Variants in ADGRV1 observed in about 807,000 individuals in gnomAD.
The protein encoded by ADGRV1 is G-protein coupled receptor 98.
ADGRV1 carries 359 observed loss-of-function variants against 596.2 expected under a neutral mutation model. The ratio of observed to expected loss-of-function variants is 0.60; its 90% CI spans 0.55 to 0.66. The LOEUF is 0.66. ADGRV1 is among the 30% of genes least tolerant of loss of function. ADGRV1 has a pLI of 0.00. For missense variants in ADGRV1, 7,274 were observed against 7,575.6 expected, an observed-to-expected ratio of 0.96 and a Z score of 1.48; for synonymous variants, 2,681 against 2,679.2, an observed-to-expected ratio of 1.00 and a Z score of -0.02.
intron 58 of ADGRV1, among the ~76,000 whole-genome samples, chr5:90,762,145 T>A (rs1315269638): frequency 6.6e-6 from 1 of 152,158 alleles, no homozygotes; most frequent in Non-Finnish European, 1.5e-5. Context: ...AAACCTAAAC[T>A]AAAATGTTAC....
intron 73 of ADGRV1, among the ~76,000 whole-genome samples, chr5:90,809,232 A>C (rs981576793): frequency 2.0e-5 from 3 of 149,480 alleles, no homozygotes; most frequent in Non-Finnish European, 4.4e-5. Context: ...CTGGGATTAC[A>C]GGCGTGAGCC....
intron 42 of ADGRV1, among the ~76,000 whole-genome samples, chr5:90,714,309 A>T: frequency 6.6e-6 from 1 of 150,402 alleles, no homozygotes. Flanking sequence ...TGTTTTTCGT[A>T]TCCCTTATGT....
chr5:90,661,148 A>C (rs1770228288), intron 21 of ADGRV1, among the ~76,000 whole-genome samples: 1 of 152,072 alleles, frequency 6.6e-6, no homozygotes, highest in Non-Finnish European at 1.5e-5. Context: ...TGTTCTGTGT[A>C]TTTCCTATGT....
chr5:90,814,764 A>G (rs1018536577), intron 74 of ADGRV1, among the ~76,000 whole-genome samples: 8 of 152,206 alleles, frequency 5.3e-5, no homozygotes, highest in East Asian at 3.9e-4. Flanking sequence ...CTCAGGTAGC[A>G]TCTTTATAGC....
At chr5:90,819,713 T>C (rs1460506714) in intron 75 of ADGRV1, among the ~76,000 whole-genome samples, 1 of 151,918 alleles carries the variant, frequency 6.6e-6, no homozygotes, top group Non-Finnish European at 1.5e-5. Context: ...AGTTTCCATG[T>C]AGTTGAGCGG....
In ADGRV1 at chr5:90,627,279, C is replaced by T. The variant is rs561366896; in HGVS notation, c.741C>T (p.Thr247=). 5 of 1,607,528 alleles carry T rather than the reference C, an allele frequency of 3.1e-6. No individual in the cohort carries two copies. In the South Asian group the frequency reaches 5.5e-5, roughly 18 times the overall value. The part of the protein sequence containing the change: ...KSVEGGAEIN[T]SRNSIEIIIK... ...TAGAAGGAGGAGCTGAGATTAACAC[C>T]TCTAGGAATTCCATTGAGATCATCA... Residue 247 remains threonine (T), a synonymous_variant, in exon 7 of 90, where the codon ACC becomes ACT. Coordinates refer to ENST00000405460, the MANE Select transcript of ADGRV1 (RefSeq NM_032119.4).
At chr5:90,813,379 G>T (rs1762629257) in intron 74 of ADGRV1, among the ~76,000 whole-genome samples, 1 of 152,046 alleles carries the variant, frequency 6.6e-6, no homozygotes, top group Non-Finnish European at 1.5e-5. Flanking sequence ...GTCCTGGTTA[G>T]GGAAGTGGCA....
At chr5:90,609,800 A>G (rs1504997) in intron 1 of ADGRV1, among the ~76,000 whole-genome samples, 3,231 of 152,110 alleles carry the variant, frequency 0.021, 102 homozygotes, top group African/African-American at 0.067. Context: ...TAATAAGGTC[A>G]ATGCGTTCAT....
intron 57 of ADGRV1, among the ~76,000 whole-genome samples, chr5:90,759,160 CATAA>C (rs1427766681): frequency 6.6e-6 from 1 of 151,734 alleles, no homozygotes; most frequent in Non-Finnish European, 1.5e-5. Flanking sequence ...TTTGAAATAC[CATAA>C]ATATACACAA....
At chr5:90,901,575 A>G in intron 83 of ADGRV1, among the ~76,000 whole-genome samples, 1 of 152,184 alleles carries the variant, frequency 6.6e-6, no homozygotes, top group East Asian at 1.9e-4. Context: ...TGTGCATGTT[A>G]GCAATTCTAT....
intron 83 of ADGRV1, among the ~76,000 whole-genome samples, chr5:90,870,417 C>T (rs370812350): frequency 6.6e-6 from 1 of 152,024 alleles, no homozygotes; most frequent in Non-Finnish European, 1.5e-5. Context: ...CCAAAACTCA[C>T]GTATTTAGAG....
chr5:90,795,466 G>T (rs1760592074), intron 70 of ADGRV1, among the ~76,000 whole-genome samples: 1 of 152,158 alleles, frequency 6.6e-6, no homozygotes, highest in Admixed American at 6.5e-5. Flanking sequence ...CTCTGGGCAG[G>T]GCATCTCTGA....
intron 89 of ADGRV1, among the ~76,000 whole-genome samples, chr5:91,161,913 TGC>T (rs1256266800): frequency 3.9e-5 from 6 of 152,224 alleles, no homozygotes; most frequent in Non-Finnish European, 7.3e-5. Flanking sequence ...ATTAACATGG[TGC>T]ATTCAGGGCA....
intron 87 of ADGRV1, among the ~76,000 whole-genome samples, chr5:91,131,832 G>A (rs749564649): frequency 2.6e-5 from 4 of 152,000 alleles, no homozygotes; most frequent in Non-Finnish European, 4.4e-5. Flanking sequence ...TTTTTGTTAC[G>A]TTTGCTTTTG....
chr5:90,934,107 G>A (rs1775482150), intron 83 of ADGRV1, among the ~76,000 whole-genome samples: 1 of 152,116 alleles, frequency 6.6e-6, no homozygotes, highest in Admixed American at 6.5e-5. Context: ...TGTTCTTCTT[G>A]CTGGAAGTTG....
At chr5:90,732,178 GT>G in intron 50 of ADGRV1, among the ~76,000 whole-genome samples, 1 of 151,968 alleles carries the variant, frequency 6.6e-6, no homozygotes, top group South Asian at 2.1e-4. Context: ...TTAAAAAAAA[GT>G]TTTTTTTAAA....
At chr5:90,880,859 A>G (rs922280468) in intron 83 of ADGRV1, among the ~76,000 whole-genome samples, 1 of 152,190 alleles carries the variant, frequency 6.6e-6, no homozygotes, top group Non-Finnish European at 1.5e-5. Context: ...TCCCACCCAT[A>G]TAAATAAGCT....
Position 90,643,695 on chromosome 5 carries a change from T to C in ADGRV1, c.2554-108T>C, listed in dbSNP as rs1481271994. On this transcript the variant is annotated intron_variant, in intron 13 of 89. Coordinates refer to ENST00000405460, the MANE Select transcript of ADGRV1 (RefSeq NM_032119.4). ...CCTCTTTTGTCCTTTCAGTGAGTTA[T>C]ATGCTTCTGAAACTTTGAGTATATT... The C allele has an allele frequency of 8.4e-5, 68 of 808,666 alleles. 1 individual carries two copies. The South Asian group carries it at 1.4e-3, about 17-fold the overall frequency. The allele number at this position is 808,666 out of a possible 1,614,324, so 50.1% of individuals were successfully genotyped here.
intron 42 of ADGRV1, among the ~76,000 whole-genome samples, chr5:90,713,083 G>A (rs1749594566): frequency 6.6e-6 from 1 of 152,082 alleles, no homozygotes; most frequent in Non-Finnish European, 1.5e-5. Flanking sequence ...TCATTCTGAT[G>A]ATAGACAAGC....
Sources: allele counts gnomAD v4.1 joint callset (sites outside exome capture counted in the v4.1 genomes callset), GRCh38; gene constraint gnomAD v4.1.1; transcripts MANE v1.5; gene names NCBI Gene and HGNC (gene_info 2026-07-23, HGNC 2026-07-21).